Variants in DHX37 observed in about 807,000 individuals in gnomAD.
The protein encoded by DHX37 is probable ATP-dependent RNA helicase DHX37.
A neutral mutation model predicts 134.3 loss-of-function variants in DHX37; 52 were observed. That is an observed-to-expected ratio of 0.39 (90% CI 0.31 to 0.49). The LOEUF (loss-of-function observed/expected upper bound fraction) is 0.49. DHX37 is among the 20% of genes least tolerant of loss of function. The pLI, the probability that DHX37 is intolerant of heterozygous loss-of-function variation, is 0.93. For synonymous variants in DHX37, 634 were observed against 670.7 expected, an observed-to-expected ratio of 0.95 and a Z score of 0.85; for missense variants, 1,344 against 1,580.8, an observed-to-expected ratio of 0.85 and a Z score of 2.54.
chr12:124,967,559 T>G (rs1435460961), intron 10 of DHX37, among the ~76,000 whole-genome samples: 1 of 152,150 alleles, frequency 6.6e-6, no homozygotes, highest in Non-Finnish European at 1.5e-5. Flanking sequence ...GAAGGCTCAC[T>G]GCCCAAGCTC....
At position 124,965,686 on chromosome 12, in the gene DHX37, C is replaced by A; in HGVS notation, c.1717G>T (p.Asp573Tyr). 6.2e-7 allele frequency: 1 copy of A among 1,609,560 alleles called. No homozygotes were observed. Among genetic ancestry groups the A allele is most frequent in the Non-Finnish European group, 8.5e-7 (1 of 1,177,650 alleles). ...GCCACACCTCCATCTTGCCCGCCAT[C>A]CCCCAGGTCCAGATCGAGGTCGGAG... is the stretch of plus-strand genomic sequence containing the variant. Reference protein sequence around the residue: ...LDSDLDLDLGDGGQDGGEQPD... With the variant: ...LDSDLDLDLGYGGQDGGEQPD... The change falls in exon 13 of 27, where the codon GAT becomes TAT. Residue 573 changes from aspartate to tyrosine, a missense_variant. Physicochemically the swap from Asp to Tyr is radical, Grantham distance 160. Transcript: ENST00000308736.
At chr12:124,978,684 G>T (rs1954695653) in intron 4 of DHX37, among the ~76,000 whole-genome samples, 1 of 150,762 alleles carries the variant, frequency 6.6e-6, no homozygotes, top group African/African-American at 2.4e-5. Flanking sequence ...CCAGCGACTT[G>T]AGAGGCCAAG....
chr12:124,978,177 T>G lies in DHX37; in HGVS notation c.739-687A>C, dbSNP rs531671340. Among the ~76,000 whole-genome samples, 250 of 152,088 alleles carry G rather than the reference T, an allele frequency of 1.6e-3. 1 individual carries two copies. The highest frequency in any genetic ancestry group is 5.6e-3 in the African/African-American group (234 of 41,492). ...GGTTTCACCAGGTTGGCCAGGCTGG[T>G]CTTGAACTCCTGACCTCAGGTGATC... On this transcript the variant is annotated intron_variant, in intron 4 of 26. Transcript: ENST00000308736.
intron 4 of DHX37, among the ~76,000 whole-genome samples, chr12:124,978,875 TG>T (rs1954700162): frequency 6.6e-6 from 1 of 150,664 alleles, no homozygotes; most frequent in South Asian, 2.1e-4. Flanking sequence ...GAGGCTGCAG[TG>T]AACTGTGATC....
intron 10 of DHX37, among the ~76,000 whole-genome samples, chr12:124,967,855 G>A (rs1242866297): frequency 6.6e-6 from 1 of 152,026 alleles, no homozygotes; most frequent in African/African-American, 2.4e-5. Context: ...GCTCACCTGA[G>A]GTCAGGAGTT....
At position 124,950,495 on chromosome 12, in the gene DHX37, C is replaced by A; in HGVS notation, c.3039G>T (p.Gln1013His). 6.4e-7 allele frequency: 1 copy of A among 1,571,760 alleles called. No homozygotes were observed. The change falls in exon 23 of 27, where the codon CAG (glutamine) becomes CAT (histidine). Residue 1013 changes from glutamine (Q) to histidine (H), a missense_variant. Physicochemically the swap from Gln to His is conservative, Grantham distance 24. Coordinates refer to ENST00000308736, the MANE Select transcript of DHX37 (RefSeq NM_032656.4). ...WIPALLPSYC[Q>H]FDKPLEEPAP... is the part of the protein sequence containing the mutation. Reference sequence around the variant, plus strand: ...CTGGTTCCTCCAGGGGCTTGTCAAACTGGCAGTAAGAGGGCAGCAGGGCCG... The same window carrying A: ...CTGGTTCCTCCAGGGGCTTGTCAAAATGGCAGTAAGAGGGCAGCAGGGCCG...
intron 15 of DHX37, among the ~76,000 whole-genome samples, chr12:124,961,676 C>T (rs1230629567): frequency 6.6e-6 from 1 of 152,208 alleles, no homozygotes; most frequent in Non-Finnish European, 1.5e-5. Flanking sequence ...ATCTGCCCGC[C>T]TCATCCTCCC....
Position 124,959,587 on chromosome 12 carries a change from A to C in DHX37, c.2157+725T>G, listed in dbSNP as rs1954184730. Among the ~76,000 whole-genome samples, 3 of 152,180 alleles carry C rather than the reference A, an allele frequency of 2.0e-5. 1 individual carries two copies. The South Asian group carries it at 6.2e-4, about 31-fold the overall frequency. On this transcript the variant is annotated intron_variant, in intron 16 of 26. Coordinates refer to ENST00000308736, the MANE Select transcript of DHX37 (RefSeq NM_032656.4). ...CAAAGCAGCGTGTAACATATCAGAC[A>C]ATATTCACAAAACCACAGGAATAAA...
At chr12:124,982,430 CCA>C (rs1425173376) in intron 3 of DHX37, 79 bp downstream of exon 3, 2 of 1,535,570 alleles carry the variant, frequency 1.3e-6, no homozygotes, top group Non-Finnish European at 1.8e-6. Flanking sequence ...TGTTCCACCC[CCA>C]GAGGACCCCA....
At chr12:124,962,503 A>G (rs1045231745) in intron 15 of DHX37, among the ~76,000 whole-genome samples, 1 of 151,890 alleles carries the variant, frequency 6.6e-6, no homozygotes, top group African/African-American at 2.4e-5. Context: ...TAAAAATACA[A>G]AAATTAGCTG....
In DHX37 at chr12:124,947,730, T is replaced by C. The variant is rs954666923; in HGVS notation, c.*72A>G. On this transcript the variant is annotated 3_prime_UTR_variant, in exon 27 of 27. Transcript: ENST00000308736. ...CGAAGCCCATGCCAGGTGGTCACGGTCGCACGGTGACAGGCTGCTGCCAGC... is the reference window on the plus strand; with the variant it reads ...CGAAGCCCATGCCAGGTGGTCACGGCCGCACGGTGACAGGCTGCTGCCAGC... 23 of 1,489,712 alleles carry C rather than the reference T, an allele frequency of 1.5e-5. 1 individual carries two copies. In the Middle Eastern group the frequency reaches 7.1e-4, roughly 46 times the overall value. The allele number at this position is 1,489,712 out of a possible 1,614,324, so 92.3% of individuals were successfully genotyped here.
chr12:124,963,851 G>C (rs575105382), intron 15 of DHX37, among the ~76,000 whole-genome samples: 6 of 135,758 alleles, frequency 4.4e-5, no homozygotes, highest in Non-Finnish European at 9.1e-5. Context: ...CGGCACTCCA[G>C]CCTGGGCGAC....
intron 18 of DHX37, among the ~76,000 whole-genome samples, chr12:124,956,091 CA>C (rs1247748949): frequency 6.6e-6 from 1 of 152,202 alleles, no homozygotes; most frequent in Non-Finnish European, 1.5e-5. Context: ...AGGCTTTGCA[CA>C]AGATGCAGAG....
intron 1 of DHX37, among the ~76,000 whole-genome samples, chr12:124,986,660 G>A (rs574135979): frequency 2.0e-5 from 3 of 151,828 alleles, no homozygotes; most frequent in Admixed American, 6.6e-5. Flanking sequence ...GCAGTGAGCC[G>A]AGATCTTGCC....
chr12:124,983,970 G>A (rs1954810000), intron 2 of DHX37, among the ~76,000 whole-genome samples: 1 of 152,082 alleles, frequency 6.6e-6, no homozygotes, highest in African/African-American at 2.4e-5. Context: ...TCCAGGTCAG[G>A]GTTCCTCAAT....
In DHX37 at chr12:124,959,077, T is replaced by TTC. The variant is rs1453706220; in HGVS notation, c.2157+1234_2157+1235insGA. ...GGCACCTGTCACCACACCTGGCTTT[T>TTC]TTTTTTTTTTTTTGGAGACGGAGTC... On this transcript the variant is annotated intron_variant, in intron 16 of 26. Transcript: ENST00000308736. Among the ~76,000 whole-genome samples the TTC allele has an allele frequency of 3.0e-4, 45 of 149,332 alleles. 1 individual carries two copies. Among genetic ancestry groups the TTC allele is most frequent in the African/African-American group, 1.1e-3 (43 of 40,264 alleles).
chr12:124,980,760 C>T lies in DHX37; in HGVS notation c.468G>A (p.Trp156Ter), dbSNP rs1449452085. 1.3e-6 allele frequency: 2 copies of T among 1,556,836 alleles called. No homozygotes were observed. Among genetic ancestry groups the T allele is most frequent in the Non-Finnish European group, 1.7e-6 (2 of 1,152,930 alleles). The change falls in exon 4 of 27, where the codon TGG becomes TGA. Residue 156 changes from tryptophan (W) to a stop codon, truncating the protein, a stop_gained. Transcript: ENST00000308736. LOFTEE classifies it high-confidence loss of function. The surrounding 1 kb of genome is among the most constrained non-coding windows in gnomAD (Gnocchi z 5.3). ...CCTCCTCCTCCTCCTCAGCTGAGGG[C>T]CAGCGGCGACGCTTCCGGTGGGCAC... ...LSGAHRKRRRWPSAEEEEEEE... is the reference protein window; with the variant it reads ...LSGAHRKRRR
At chr12:124,972,422 T>C in intron 7 of DHX37, 81 bp downstream of exon 7, 1 of 1,470,410 alleles carries the variant, frequency 6.8e-7, no homozygotes, top group Non-Finnish European at 9.5e-7. Context: ...GCTTGCCGGC[T>C]GCTCATATCC....
In DHX37 at chr12:124,968,540, G is replaced by A; in HGVS notation, c.1402C>T (p.Pro468Ser). The A allele has an allele frequency of 6.2e-7, 1 of 1,613,114 alleles. No individual in the cohort carries two copies. The highest frequency in any genetic ancestry group is 8.5e-7 in the Non-Finnish European group (1 of 1,180,030). ...GACCTGGCCAGGGCCTCACCTGCGG[G>A]CAGCATCCGGTGGATCTTGCAGACC... is the stretch of plus-strand genomic sequence containing the variant. The part of the protein sequence containing the change: ...RKVCKIHRML[P>S]AGGILVFLTG... Residue 468 changes from proline (P) to serine (S), a missense_variant, in exon 10 of 27, where the codon CCC (proline) becomes TCC (serine). Pro to Ser is a moderately conservative substitution (Grantham distance 74, BLOSUM62 -1). Coordinates refer to ENST00000308736, the MANE Select transcript of DHX37 (RefSeq NM_032656.4).
Sources: gnomAD v4.1 joint callset for allele counts (sites outside exome capture counted in the v4.1 genomes callset) on GRCh38, gnomAD v4.1.1 for gene constraint, Gnocchi (gnomAD v3.1) non-coding constraint, MANE v1.5 for transcripts, NCBI Gene and HGNC (gene_info 2026-07-23, HGNC 2026-07-21) for gene names.